Variants in ST6GAL1 observed in about 807,000 individuals in gnomAD.
ST6GAL1 encodes ST6 beta-galactoside alpha-2,6-sialyltransferase 1, also known as beta-galactoside alpha-2,6-sialyltransferase 1.
Under a neutral mutation model 38.0 loss-of-function variants are expected in ST6GAL1, and 20 were observed. The ratio of observed to expected loss-of-function variants is 0.53; its 90% CI spans 0.37 to 0.77. The LOEUF is 0.77. Among genes scored for constraint, ST6GAL1 ranks in the 30% least tolerant of loss-of-function variants. The probability of loss-of-function intolerance (pLI) is 0.00; values close to 1 mark genes in which losing one functional copy is unlikely to be tolerated. For missense variants in ST6GAL1, 432 were observed against 496.4 expected, an observed-to-expected ratio of 0.87 and a Z score of 1.23; for synonymous variants, 196 against 188.2, an observed-to-expected ratio of 1.04 and a Z score of -0.34.
At chr3:186,959,108 C>T (rs576895686) in intron 1 of ST6GAL1, among the ~76,000 whole-genome samples, 175 of 152,286 alleles carry the variant, frequency 1.1e-3, no homozygotes, top group African/African-American at 4.0e-3. Context: ...ATATTAACAA[C>T]ACAATCAAAT....
At chr3:186,990,968 C>A (rs575042355) in intron 2 of ST6GAL1, among the ~76,000 whole-genome samples, 1 of 150,960 alleles carries the variant, frequency 6.6e-6, no homozygotes, top group Admixed American at 6.7e-5. Flanking sequence ...CTGCAGACCG[C>A]TGGGCCGGGT....
intron 2 of ST6GAL1, among the ~76,000 whole-genome samples, chr3:186,966,158 C>T (rs1715105634): frequency 1.3e-5 from 2 of 152,122 alleles, no homozygotes; most frequent in Non-Finnish European, 2.9e-5. Context: ...CCTAGGCCTC[C>T]CAACGTGCTG....
chr3:187,041,351 C>A (rs73071454), intron 3 of ST6GAL1, among the ~76,000 whole-genome samples: 1,605 of 152,228 alleles, frequency 0.011, 24 homozygotes, highest in African/African-American at 0.037. Flanking sequence ...GACCTCAGAC[C>A]CCTAGTGGGT....
intron 6 of ST6GAL1, chr3:187,073,492 CT>C (rs1036720743): frequency 1.2e-5 from 2 of 160,734 alleles, no homozygotes; most frequent in Non-Finnish European, 2.7e-5. Flanking sequence ...AACAGCAGCT[CT>C]TTCCGGGGAA....
intron 1 of ST6GAL1, among the ~76,000 whole-genome samples, chr3:186,939,193 G>A (rs1359834576): frequency 1.3e-5 from 2 of 151,688 alleles, no homozygotes; most frequent in Admixed American, 1.3e-4. Context: ...TCCTGCCTCA[G>A]CCTCCGAGTA....
At chr3:187,048,332 T>C (rs1471480091) in intron 4 of ST6GAL1, among the ~76,000 whole-genome samples, 1 of 152,114 alleles carries the variant, frequency 6.6e-6, no homozygotes, top group South Asian at 2.1e-4. Context: ...CCTCTGTAAC[T>C]GTATCTTTGA....
intron 5 of ST6GAL1, among the ~76,000 whole-genome samples, chr3:187,055,156 G>GT (rs548505476): frequency 5.4e-4 from 81 of 150,416 alleles, no homozygotes; most frequent in African/African-American, 1.9e-3. Flanking sequence ...CCAATTTATC[G>GT]TTTTTTATTG....
chr3:187,041,709 C>T (rs966626321), intron 3 of ST6GAL1, among the ~76,000 whole-genome samples: 1 of 152,164 alleles, frequency 6.6e-6, no homozygotes, highest in Non-Finnish European at 1.5e-5. Flanking sequence ...CTTCCCTTGA[C>T]TTCTTAGAGC....
intron 2 of ST6GAL1, among the ~76,000 whole-genome samples, chr3:187,026,549 C>T (rs766662866): frequency 4.1e-4 from 63 of 152,326 alleles, no homozygotes; most frequent in Non-Finnish European, 1.0e-4. Flanking sequence ...TGTTATCCTT[C>T]GCAGATGAAG....
At chr3:186,965,356 T>C (rs1251022353) in intron 2 of ST6GAL1, among the ~76,000 whole-genome samples, 1 of 152,188 alleles carries the variant, frequency 6.6e-6, no homozygotes. Flanking sequence ...CAAAAGCCTC[T>C]TTCTTCAAAG....
chr3:187,024,291 TCA>T (rs1427116135), intron 2 of ST6GAL1, among the ~76,000 whole-genome samples: 1 of 151,594 alleles, frequency 6.6e-6, no homozygotes, highest in Admixed American at 6.6e-5. Flanking sequence ...GACGGGGGTT[TCA>T]CCATGTTAGC....
At chr3:186,980,072 A>G (rs992652783) in intron 2 of ST6GAL1, among the ~76,000 whole-genome samples, 1 of 152,342 alleles carries the variant, frequency 6.6e-6, no homozygotes, top group South Asian at 2.1e-4. Context: ...AAGTTGCCTG[A>G]AGCCATAAAA....
At position 187,063,990 on chromosome 3, in the gene ST6GAL1, A is replaced by G. The variant is rs190216138; in HGVS notation, c.706-8859A>G. ...GGTATGCAGCAAGTGCTTTGTAAAT[A>G]GTAGCGATGGGCACTACTGAAACCT... On this transcript the variant is annotated intron_variant, in intron 5 of 7. Transcript: ENST00000169298. Among the ~76,000 whole-genome samples, 30 of 152,290 alleles carry G rather than the reference A, an allele frequency of 2.0e-4. No individual in the cohort carries two copies. The East Asian group carries it at 4.6e-3, about 23-fold the overall frequency.
rs150750304 is a variant in ST6GAL1, at chr3:187,029,236, CT to C, written c.-182-9501del. The stretch of plus-strand genomic sequence containing the variant: ...ACTCACGAGAGGTGTTTTGATTTTG[CT>C]TTTTAAGAGCAGCAGCGTGTCTATA... On this transcript the variant is annotated intron_variant, in intron 2 of 7. Transcript: ENST00000169298. Among the ~76,000 whole-genome samples, 640 of 152,162 alleles carry C rather than the reference CT, an allele frequency of 4.2e-3. 17 individuals carry two copies. In the East Asian group the frequency reaches 0.062, roughly 15 times the overall value.
chr3:187,021,061 T>A (rs1043609213), intron 2 of ST6GAL1, among the ~76,000 whole-genome samples: 1 of 152,164 alleles, frequency 6.6e-6, no homozygotes, highest in East Asian at 1.9e-4. Context: ...CCTCCTGGGT[T>A]CAAGTGATTC....
chr3:186,990,211 TTCAGTA>T (rs1716110990), intron 2 of ST6GAL1, among the ~76,000 whole-genome samples: 1 of 152,206 alleles, frequency 6.6e-6, no homozygotes, highest in Non-Finnish European at 1.5e-5. Context: ...TTTTTGTATT[TTCAGTA>T]GAGACAGGGT....
At chr3:187,001,018 G>A (rs1475882160) in intron 2 of ST6GAL1, among the ~76,000 whole-genome samples, 1 of 152,234 alleles carries the variant, frequency 6.6e-6, no homozygotes, top group East Asian at 1.9e-4. Context: ...ATTGTTGGCA[G>A]AAAGGTGCCT....
intron 1 of ST6GAL1, among the ~76,000 whole-genome samples, chr3:186,941,696 G>A (rs113229881): frequency 1.6e-4 from 24 of 152,144 alleles, no homozygotes; most frequent in African/African-American, 3.9e-4. Flanking sequence ...AGCCACTGCC[G>A]TGTTATAAAG....
chr3:187,049,830 A>G (rs1247898525), intron 4 of ST6GAL1, among the ~76,000 whole-genome samples: 1 of 152,228 alleles, frequency 6.6e-6, no homozygotes, highest in East Asian at 1.9e-4. Context: ...TTCTCATGCA[A>G]TTACTACTAA....
Sources: allele counts gnomAD v4.1 joint callset (sites outside exome capture counted in the v4.1 genomes callset), GRCh38; gene constraint gnomAD v4.1.1; transcripts MANE v1.5; gene names NCBI Gene and HGNC (gene_info 2026-07-23, HGNC 2026-07-21).